PLEKHA7: variants seen among roughly 807,000 people sequenced by gnomAD.
PLEKHA7 encodes the protein pleckstrin homology domain-containing family A member 7.
PLEKHA7 carries 104 observed loss-of-function variants against 170.0 expected under a neutral mutation model. The ratio of observed to expected loss-of-function variants is 0.61; its 90% confidence interval spans 0.52 to 0.72. The LOEUF (loss-of-function observed/expected upper bound fraction) is 0.72. Ranked by LOEUF, PLEKHA7 falls within the 30% of genes least tolerant of loss-of-function variation. The pLI is 0.00. For synonymous variants in PLEKHA7, 648 were observed against 660.8 expected, an observed-to-expected ratio of 0.98 and a Z score of 0.30; for missense variants, 1,615 against 1,671.7, an observed-to-expected ratio of 0.97 and a Z score of 0.59.
intron 3 of PLEKHA7, among the ~76,000 whole-genome samples, chr11:16,885,390 G>A (rs903371711): frequency 6.6e-6 from 1 of 151,770 alleles, no homozygotes; most frequent in Non-Finnish European, 1.5e-5. Flanking sequence ...CAGGTGTGGT[G>A]GCTCATGCCT....
intron 3 of PLEKHA7, among the ~76,000 whole-genome samples, chr11:16,958,253 G>T (rs1220622287): frequency 6.6e-6 from 1 of 152,094 alleles, no homozygotes; most frequent in Non-Finnish European, 1.5e-5. Context: ...GAATGCTAAA[G>T]CTGCAGTGAG....
intron 3 of PLEKHA7, among the ~76,000 whole-genome samples, chr11:16,997,641 C>CA (rs1208600775): frequency 6.6e-6 from 1 of 152,194 alleles, no homozygotes; most frequent in Non-Finnish European, 1.5e-5. Flanking sequence ...CTCTGAGCCC[C>CA]AGCACAGCCT....
At chr11:16,799,810 C>A (rs1291994848) in intron 17 of PLEKHA7, among the ~76,000 whole-genome samples, 1 of 152,206 alleles carries the variant, frequency 6.6e-6, no homozygotes, top group African/African-American at 2.4e-5. Context: ...AGGAGATAGA[C>A]AAGTGCTGGG....
intron 3 of PLEKHA7, among the ~76,000 whole-genome samples, chr11:16,938,261 T>C (rs1227056777): frequency 6.6e-6 from 1 of 152,166 alleles, no homozygotes; most frequent in African/African-American, 2.4e-5. Context: ...GCTGGTGTGT[T>C]ACCCTAGAAG....
At chr11:16,808,801 G>C (rs1849160924) in intron 13 of PLEKHA7, among the ~76,000 whole-genome samples, 1 of 152,086 alleles carries the variant, frequency 6.6e-6, no homozygotes, top group Admixed American at 6.6e-5. Flanking sequence ...TAAGGTATAG[G>C]GTTCTGAAGA....
At chr11:16,979,203 T>C (rs1382396802) in intron 3 of PLEKHA7, among the ~76,000 whole-genome samples, 1 of 152,220 alleles carries the variant, frequency 6.6e-6, no homozygotes, top group Non-Finnish European at 1.5e-5. Flanking sequence ...CTAATTTTTG[T>C]ATTTTTAGTA....
chr11:16,900,850 ATT>A (rs1203436793), intron 3 of PLEKHA7, among the ~76,000 whole-genome samples: 19 of 143,944 alleles, frequency 1.3e-4, no homozygotes, highest in Non-Finnish European at 1.5e-4. Flanking sequence ...ATGATTTTTT[ATT>A]TTTTTTTTTT....
chr11:16,966,736 G>A (rs1862399246), intron 3 of PLEKHA7, among the ~76,000 whole-genome samples: 1 of 151,568 alleles, frequency 6.6e-6, no homozygotes, highest in African/African-American at 2.4e-5. Flanking sequence ...AACTCTGCAG[G>A]ACTTTGTCAT....
intron 3 of PLEKHA7, among the ~76,000 whole-genome samples, chr11:16,924,627 A>C (rs539308598): frequency 6.6e-6 from 1 of 152,298 alleles, no homozygotes; most frequent in South Asian, 2.1e-4. Context: ...GGGCTGTCCC[A>C]CCGACAACGA....
At chr11:16,989,573 T>TGA in intron 3 of PLEKHA7, among the ~76,000 whole-genome samples, 1 of 152,302 alleles carries the variant, frequency 6.6e-6, no homozygotes, top group Admixed American at 6.5e-5. Context: ...CTCTACTGCT[T>TGA]TCATGTCACA....
At chr11:16,877,344 ACT>A (rs1855378024) in intron 3 of PLEKHA7, among the ~76,000 whole-genome samples, 1 of 152,106 alleles carries the variant, frequency 6.6e-6, no homozygotes, top group Admixed American at 6.5e-5. Context: ...GGAAATTGAA[ACT>A]CTGAGAATAC....
chr11:16,855,371 A>ACTCTCCTC (rs1200396577), intron 5 of PLEKHA7, among the ~76,000 whole-genome samples: 1 of 151,464 alleles, frequency 6.6e-6, no homozygotes, highest in Non-Finnish European at 1.5e-5. Flanking sequence ...AACCCTCAGC[A>ACTCTCCTC]CTCTCCTCCT....
In PLEKHA7 at chr11:16,817,337, T is replaced by C; in HGVS notation, c.1344-15A>G. 6.3e-7 allele frequency: 1 copy of C among 1,591,940 alleles called. No individual in the cohort carries two copies. Among genetic ancestry groups the C allele is most frequent in the Non-Finnish European group, 8.5e-7 (1 of 1,172,666 alleles). On this transcript the variant is annotated splice_polypyrimidine_tract_variant and intron_variant, in intron 10 of 26. Transcript: ENST00000531066. The surrounding 1 kb of genome is among the most constrained non-coding windows in gnomAD (Gnocchi z 4.4). ...CCAAGGGAAGACTGAGGAGAAAGGG[T>C]AAGAACGGGTCAGGCAACCAAGCGA...
chr11:16,854,418 G>A (rs1853254814), intron 6 of PLEKHA7, among the ~76,000 whole-genome samples: 2 of 152,196 alleles, frequency 1.3e-5, no homozygotes, highest in South Asian at 2.1e-4. Flanking sequence ...TGGGGAAATG[G>A]CAGGCCAAGG....
At chr11:16,998,700 A>ATAAT (rs58955696) in intron 3 of PLEKHA7, among the ~76,000 whole-genome samples, 151,858 of 152,264 alleles carry the variant, frequency 1, 75,729 homozygotes, top group Non-Finnish European at 1. Context: ...GCTAAAAAAA[A>ATAAT]TATTCAAAAC....
intron 3 of PLEKHA7, 101 bp from the exon 4 acceptor site, chr11:16,871,283 A>T: frequency 1.1e-6 from 1 of 874,964 alleles, no homozygotes; most frequent in Non-Finnish European, 1.9e-6. Flanking sequence ...GTCATCAAAG[A>T]TTTCACAGGG....
At chr11:16,945,890 C>T (rs1044573127) in intron 3 of PLEKHA7, among the ~76,000 whole-genome samples, 1 of 152,228 alleles carries the variant, frequency 6.6e-6, no homozygotes, top group African/African-American at 2.4e-5. Context: ...CATACTTTCA[C>T]TCTCTGGCCT....
At chr11:16,852,439 C>G (rs781419167) in intron 6 of PLEKHA7, 84 bp from the exon 7 acceptor site, 5 of 1,147,406 alleles carry the variant, frequency 4.4e-6, no homozygotes, top group Non-Finnish European at 6.3e-6. Flanking sequence ...ATTCCAGAAC[C>G]AAATATTTGC....
intron 3 of PLEKHA7, among the ~76,000 whole-genome samples, chr11:16,939,519 A>C (rs1424393820): frequency 6.6e-6 from 1 of 152,256 alleles, no homozygotes; most frequent in Non-Finnish European, 1.5e-5. Context: ...TTAAAAATTT[A>C]CGTATTTAGT....
Sources: gnomAD v4.1 joint callset for allele counts (sites outside exome capture counted in the v4.1 genomes callset) on GRCh38, gnomAD v4.1.1 for gene constraint, Gnocchi (gnomAD v3.1) non-coding constraint, MANE v1.5 for transcripts, NCBI Gene and HGNC (gene_info 2026-07-23, HGNC 2026-07-21) for gene names.